FAT3: variants seen among roughly 807,000 people sequenced by gnomAD.
FAT3 encodes FAT atypical cadherin 3, also known as protocadherin Fat 3.
In FAT3, 95 loss-of-function variants were observed where a neutral mutation model predicts 310.2. The ratio of observed to expected loss-of-function variants is 0.31; its 90% CI spans 0.26 to 0.36. The LOEUF (loss-of-function observed/expected upper bound fraction) is 0.36, where lower values mean the gene tolerates loss of function less well. FAT3 is among the 10% of genes least tolerant of loss of function. The probability of loss-of-function intolerance (pLI) is 1.00; values close to 1 mark genes in which losing one functional copy is unlikely to be tolerated. For missense variants in FAT3, 5,408 were observed against 5,715.6 expected, an observed-to-expected ratio of 0.95 and a Z score of 1.74; for synonymous variants, 2,314 against 2,192.9, an observed-to-expected ratio of 1.06 and a Z score of -1.54.
In FAT3 at chr11:92,801,073, T is replaced by C. The variant is rs1947332888; in HGVS notation, c.8060T>C (p.Val2687Ala). The change falls in exon 10 of 28, where the codon GTA becomes GCA. Residue 2687 changes from valine to alanine, a missense_variant. This residue lies in a region of FAT3 where 4,588 missense variants were observed against 4,809.8 expected (regional missense o/e 0.95). Coordinates refer to ENST00000525166, the MANE Select transcript of FAT3 (RefSeq NM_001367949.2). ...AAAGCAGTAGATGGGGGCATCCCAGTAAAGCACTCCCTCATTCCTGTCTAT... is the reference window on the plus strand; with the variant it reads ...AAAGCAGTAGATGGGGGCATCCCAGCAAAGCACTCCCTCATTCCTGTCTAT... ...FVKAVDGGIP[V>A]KHSLIPVYIH... is the part of the protein sequence containing the mutation. The C allele has an allele frequency of 6.2e-7, 1 of 1,613,950 alleles. No homozygotes were observed. The highest frequency in any genetic ancestry group is 1.7e-5 in the Admixed American group (1 of 60,014).
In FAT3 at chr11:92,883,491, G is replaced by T. The variant is rs1949725612; in HGVS notation, c.12937+98G>T. Reference sequence around the variant, plus strand: ...ACGGGAAGGGAGAGAGACCCCGCATGCAGAGCATTCGCTATGACATGTGCT... The same window carrying T: ...ACGGGAAGGGAGAGAGACCCCGCATTCAGAGCATTCGCTATGACATGTGCT... On this transcript the variant is annotated intron_variant, in intron 24 of 27. Coordinates refer to ENST00000525166, the MANE Select transcript of FAT3 (RefSeq NM_001367949.2). This position sits in a 1 kb window ranked among gnomAD's most constrained non-coding sequence, Gnocchi z 4.2. 1.4e-6 allele frequency: 2 copies of T among 1,425,226 alleles called. No individual in the cohort carries two copies. The highest frequency in any genetic ancestry group is 2.6e-4 in the Middle Eastern group (1 of 3,838). The allele number at this position is 1,425,226 out of a possible 1,614,324, so 88.3% of individuals were successfully genotyped here.
At chr11:92,242,770 T>C (rs896606052) in intron 1 of FAT3, among the ~76,000 whole-genome samples, 1 of 152,092 alleles carries the variant, frequency 6.6e-6, no homozygotes, top group Non-Finnish European at 1.5e-5. Context: ...ATAGGACTTA[T>C]ATTCAGTGCT....
Position 92,738,601 on chromosome 11 carries a change from A to G in FAT3, c.3670-23255A>G, listed in dbSNP as rs181874860. Among the ~76,000 whole-genome samples, 452 of 152,344 alleles carry G rather than the reference A, an allele frequency of 3.0e-3. 2 individuals are homozygous for G. The highest frequency in any genetic ancestry group is 0.01 in the African/African-American group (435 of 41,586). On this transcript the variant is annotated intron_variant, in intron 4 of 27. Coordinates refer to ENST00000525166, the MANE Select transcript of FAT3 (RefSeq NM_001367949.2). ...ACATAATACATAGTACAGATCAGGA[A>G]TAGTGAATTCAAAGTACTCTGATAT...
intron 3 of FAT3, among the ~76,000 whole-genome samples, chr11:92,539,695 A>C (rs1412335754): frequency 6.6e-6 from 1 of 152,164 alleles, no homozygotes; most frequent in Non-Finnish European, 1.5e-5. Context: ...AGTCATATCT[A>C]TTATTTCCAA....
chr11:92,231,812 T>C (rs1864193769), intron 1 of FAT3, among the ~76,000 whole-genome samples: 1 of 152,020 alleles, frequency 6.6e-6, no homozygotes, highest in Admixed American at 6.6e-5. Context: ...AGGGTTTTTT[T>C]TTTTTGTCAG....
At chr11:92,434,795 T>C (rs1471147096) in intron 2 of FAT3, among the ~76,000 whole-genome samples, 2 of 152,170 alleles carry the variant, frequency 1.3e-5, no homozygotes, top group Admixed American at 1.3e-4. Context: ...ATGTAGCAAG[T>C]TTCATTAAAT....
chr11:92,522,951 C>T (rs1289159265), intron 2 of FAT3, among the ~76,000 whole-genome samples: 1 of 152,100 alleles, frequency 6.6e-6, no homozygotes, highest in Non-Finnish European at 1.5e-5. Flanking sequence ...ATAAAACCAA[C>T]CTGGCCTTCC....
chr11:92,738,387 G>A, intron 4 of FAT3, among the ~76,000 whole-genome samples: 1 of 152,154 alleles, frequency 6.6e-6, no homozygotes, highest in Admixed American at 6.5e-5. Context: ...TTTTTAGCCT[G>A]ACTACTTTTG....
intron 13 of FAT3, among the ~76,000 whole-genome samples, chr11:92,830,541 A>G (rs1038597361): frequency 2.6e-5 from 4 of 152,072 alleles, no homozygotes; most frequent in Admixed American, 6.5e-5. Context: ...ATGGCTTTGC[A>G]TGACATCTGT....
chr11:92,465,715 G>C (rs992775596), intron 2 of FAT3, among the ~76,000 whole-genome samples: 8 of 152,154 alleles, frequency 5.3e-5, no homozygotes, highest in Non-Finnish European at 1.2e-4. Flanking sequence ...GCCTGTCATG[G>C]GGTGGGGGGC....
chr11:92,302,869 T>G (rs1387656444), intron 1 of FAT3, among the ~76,000 whole-genome samples: 1 of 152,146 alleles, frequency 6.6e-6, no homozygotes, highest in African/African-American at 2.4e-5. Flanking sequence ...ACCAAAATGG[T>G]ATTTACTTAA....
At chr11:92,346,557 C>T (rs765645035) in intron 1 of FAT3, among the ~76,000 whole-genome samples, 2 of 152,076 alleles carry the variant, frequency 1.3e-5, no homozygotes, top group African/African-American at 2.4e-5. Flanking sequence ...CAGTTTTACT[C>T]GTTTTTTGTT....
In FAT3 at chr11:92,235,324, G is replaced by A. The variant is rs551741693; in HGVS notation, c.-18+10150G>A. On this transcript the variant is annotated intron_variant, in intron 1 of 27. Transcript: ENST00000525166. ...TAGTCACTGGTTGCAGCTCCATGCC[G>A]TCCTGAAGGTATTGCTTACACCTGA... 3.4e-4 allele frequency among the ~76,000 whole-genome samples: 52 copies of A among 152,064 alleles called. No individual in the cohort carries two copies. In the South Asian group the frequency reaches 6.2e-3, roughly 18 times the overall value.
intron 1 of FAT3, among the ~76,000 whole-genome samples, chr11:92,272,776 C>A (rs1044787694): frequency 4.6e-5 from 7 of 152,064 alleles, no homozygotes; most frequent in African/African-American, 1.7e-4. Flanking sequence ...TTATGCAAGA[C>A]TTTGAATAGG....
rs1412164092 is a variant in FAT3, at chr11:92,893,623, A to G, written c.*2510A>G. 1 of 152,182 alleles carries G rather than the reference A, an allele frequency of 6.6e-6. No individual in the cohort carries two copies. The highest frequency in any genetic ancestry group is 2.4e-5 in the African/African-American group (1 of 41,450). 9.4% of individuals were successfully genotyped at this position (152,182 alleles called of 1,614,324 possible). ...TGCAGTCATGAAGCCACTGAAGAAAATTGTGCCCACCCTTTGCTGTGACCT... is the reference window on the plus strand; with the variant it reads ...TGCAGTCATGAAGCCACTGAAGAAAGTTGTGCCCACCCTTTGCTGTGACCT... On this transcript the variant is annotated 3_prime_UTR_variant, in exon 28 of 28. Transcript: ENST00000525166.
At chr11:92,549,327 T>G (rs1954723060) in intron 3 of FAT3, among the ~76,000 whole-genome samples, 1 of 152,214 alleles carries the variant, frequency 6.6e-6, no homozygotes, top group African/African-American at 2.4e-5. Flanking sequence ...AAGCCAAGGT[T>G]CCCATTCAAA....
At chr11:92,315,536 G>C (rs867792715) in intron 1 of FAT3, among the ~76,000 whole-genome samples, 2 of 133,424 alleles carry the variant, frequency 1.5e-5, no homozygotes, top group Admixed American at 1.5e-4. Flanking sequence ...GAGAGAGAGA[G>C]AGAGAGAGAG....
chr11:92,306,482 A>G (rs936199044), intron 1 of FAT3, among the ~76,000 whole-genome samples: 2 of 130,872 alleles, frequency 1.5e-5, no homozygotes, highest in Non-Finnish European at 3.1e-5. Flanking sequence ...ATAAACTTAT[A>G]TATATATTTA....
chr11:92,433,395 T>A (rs1167185287), intron 2 of FAT3, among the ~76,000 whole-genome samples: 1 of 152,164 alleles, frequency 6.6e-6, no homozygotes, highest in Non-Finnish European at 1.5e-5. Flanking sequence ...GGTCTGCAGG[T>A]TGCAAAGACA....
Sources: gnomAD v4.1 joint callset for allele counts (sites outside exome capture counted in the v4.1 genomes callset) on GRCh38, gnomAD v4.1.1 for gene constraint, gnomAD v4.1.1 regional missense constraint, Gnocchi (gnomAD v3.1) non-coding constraint, MANE v1.5 for transcripts, NCBI Gene and HGNC (gene_info 2026-07-23, HGNC 2026-07-21) for gene names.